Variants in LHFPL2 observed in about 807,000 individuals in gnomAD.
LHFPL2 encodes the protein LHFPL tetraspan subfamily member 2.
In LHFPL2, 7 loss-of-function variants were observed where a neutral mutation model predicts 17.5. The observed-to-expected ratio is 0.40, with a 90% CI of 0.23 to 0.75. LHFPL2 has a LOEUF of 0.75. Ranked by LOEUF, LHFPL2 falls within the 30% of genes least tolerant of loss-of-function variation. The pLI is 0.37. For synonymous variants in LHFPL2, 134 were observed against 116.2 expected (o/e 1.15, Z -0.99); for missense variants, 241 against 294.8 (o/e 0.82, Z 1.34).
At chr5:78,536,731 A>C (rs1395922968) in intron 3 of LHFPL2, among the ~76,000 whole-genome samples, 1 of 152,200 alleles carries the variant, frequency 6.6e-6, no homozygotes, top group Non-Finnish European at 1.5e-5. Context: ...GATTCTACCC[A>C]GCCATATGCA....
chr5:78,490,299 A>G (rs951553142), intron 4 of LHFPL2, among the ~76,000 whole-genome samples: 1 of 152,106 alleles, frequency 6.6e-6, no homozygotes, highest in African/African-American at 2.4e-5. Context: ...TCGCTTGCTG[A>G]CCTTCAGGTA....
At chr5:78,612,742 G>A (rs1254309510) in intron 2 of LHFPL2, among the ~76,000 whole-genome samples, 31 of 152,212 alleles carry the variant, frequency 2.0e-4, no homozygotes, top group Admixed American at 2.0e-3. Flanking sequence ...ACAACCCAGA[G>A]GCCTGGTGCC....
At chr5:78,496,673 G>A (rs1317909781) in intron 4 of LHFPL2, among the ~76,000 whole-genome samples, 3 of 152,182 alleles carry the variant, frequency 2.0e-5, no homozygotes, top group Non-Finnish European at 4.4e-5. Flanking sequence ...AGGCTTTTCA[G>A]TGGGGACAGC....
chr5:78,582,934 G>T (rs1159255801), intron 2 of LHFPL2, among the ~76,000 whole-genome samples: 1 of 152,112 alleles, frequency 6.6e-6, no homozygotes, highest in Non-Finnish European at 1.5e-5. Context: ...TGTCTTTGTA[G>T]GTCACTCAGG....
chr5:78,506,954 C>T (rs1580754574), intron 4 of LHFPL2, among the ~76,000 whole-genome samples: 1 of 87,144 alleles, frequency 1.1e-5, no homozygotes, highest in Non-Finnish European at 2.7e-5. Context: ...GGCAGAAGAT[C>T]AGCACCAGCC....
At chr5:78,580,603 A>G (rs1743087779) in intron 2 of LHFPL2, among the ~76,000 whole-genome samples, 1 of 128,472 alleles carries the variant, frequency 7.8e-6, no homozygotes, top group African/African-American at 2.6e-5. Flanking sequence ...TAAATAGGGA[A>G]TCCTTTCCCC....
At chr5:78,615,769 A>G (rs1314850344) in intron 2 of LHFPL2, among the ~76,000 whole-genome samples, 1 of 152,230 alleles carries the variant, frequency 6.6e-6, no homozygotes, top group Non-Finnish European at 1.5e-5. Context: ...ATTTGGCTCC[A>G]TAAGTATAAA....
At chr5:78,577,593 CTACGGACAGTCA>C (rs1190914417) in intron 2 of LHFPL2, among the ~76,000 whole-genome samples, 1 of 152,158 alleles carries the variant, frequency 6.6e-6, no homozygotes, top group Non-Finnish European at 1.5e-5. Context: ...GCCTGGCTCA[CTACGGACAGTCA>C]TACTGCACTC....
chr5:78,496,508 G>A (rs541496187), intron 4 of LHFPL2, among the ~76,000 whole-genome samples: 1 of 152,152 alleles, frequency 6.6e-6, no homozygotes, highest in Non-Finnish European at 1.5e-5. Context: ...GTTTTGTGTT[G>A]GTCTGCCCTG....
chr5:78,580,926 A>C, intron 2 of LHFPL2, among the ~76,000 whole-genome samples: 1 of 152,178 alleles, frequency 6.6e-6, no homozygotes. Flanking sequence ...GAATCTACAA[A>C]TTACCTTGGG....
Position 78,513,810 on chromosome 5 carries a change from C to T in LHFPL2, c.-185-3412G>A, listed in dbSNP as rs73140183. Reference sequence around the variant, plus strand: ...ACCTTCAGCCATGTTTGTGAGGCCTCCCCAGTCATGCAGAACTGTGAGTTC... The same window carrying T: ...ACCTTCAGCCATGTTTGTGAGGCCTTCCCAGTCATGCAGAACTGTGAGTTC... On this transcript the variant is annotated intron_variant, in intron 3 of 4. Transcript: ENST00000380345. Among the ~76,000 whole-genome samples the T allele has an allele frequency of 4.1e-3, 620 of 152,312 alleles. 6 individuals carry two copies. The highest frequency in any genetic ancestry group is 0.014 in the African/African-American group (595 of 41,556).
intron 1 of LHFPL2, among the ~76,000 whole-genome samples, chr5:78,633,231 G>A (rs1339571649): frequency 6.6e-6 from 1 of 152,194 alleles, no homozygotes; most frequent in South Asian, 2.1e-4. Context: ...CAACCCTCAT[G>A]GTCAGAAGTG....
intron 2 of LHFPL2, among the ~76,000 whole-genome samples, chr5:78,574,615 C>T (rs1007660666): frequency 7.2e-5 from 11 of 152,346 alleles, no homozygotes; most frequent in Admixed American, 3.3e-4. Flanking sequence ...TAAGGGAAAA[C>T]GGTTTTAACC....
chr5:78,493,291 C>T (rs1405686572), intron 4 of LHFPL2, among the ~76,000 whole-genome samples: 1 of 152,162 alleles, frequency 6.6e-6, no homozygotes, highest in African/African-American at 2.4e-5. Flanking sequence ...CTCCACTGCT[C>T]TCAGGCTGAA....
chr5:78,561,626 CTG>C (rs908294860), intron 3 of LHFPL2, among the ~76,000 whole-genome samples: 5 of 152,182 alleles, frequency 3.3e-5, no homozygotes, highest in African/African-American at 1.2e-4. Flanking sequence ...GGTTTTAAAA[CTG>C]TGGATATTTT....
At chr5:78,557,564 C>T (rs1290115371) in intron 3 of LHFPL2, among the ~76,000 whole-genome samples, 2 of 152,214 alleles carry the variant, frequency 1.3e-5, no homozygotes, top group Non-Finnish European at 2.9e-5. Context: ...AGACCAGTCA[C>T]ATTAGATTCC....
intron 2 of LHFPL2, among the ~76,000 whole-genome samples, chr5:78,622,239 AC>A (rs1460000560): frequency 6.6e-6 from 1 of 152,124 alleles, no homozygotes; most frequent in Admixed American, 6.6e-5. Flanking sequence ...AACATCAGCT[AC>A]CTAAACGCTC....
intron 2 of LHFPL2, among the ~76,000 whole-genome samples, chr5:78,596,411 T>G (rs1481328096): frequency 6.6e-6 from 1 of 152,206 alleles, no homozygotes; most frequent in Non-Finnish European, 1.5e-5. Context: ...CAATGAACAT[T>G]TGAATGAAAT....
At chr5:78,603,640 G>A (rs1462344958) in intron 2 of LHFPL2, among the ~76,000 whole-genome samples, 1 of 152,200 alleles carries the variant, frequency 6.6e-6, no homozygotes, top group Non-Finnish European at 1.5e-5. Context: ...AGCACTTTGA[G>A]AGGCTGAGAT....
Sources: allele counts gnomAD v4.1 joint callset (sites outside exome capture counted in the v4.1 genomes callset), GRCh38; gene constraint gnomAD v4.1.1; transcripts MANE v1.5; gene names NCBI Gene and HGNC (gene_info 2026-07-23, HGNC 2026-07-21).